HS6ST2: variants seen among roughly 807,000 people sequenced by gnomAD.
The protein encoded by HS6ST2 is heparan sulfate 6-O-sulfotransferase 2, also known as heparan-sulfate 6-O-sulfotransferase 2.
In HS6ST2, 17 loss-of-function variants were observed where a neutral mutation model predicts 33.0. The observed-to-expected ratio is 0.52, with a 90% confidence interval of 0.35 to 0.77. The LOEUF is 0.77. Among genes scored for constraint, HS6ST2 ranks in the 30% least tolerant of loss-of-function variants. The pLI, the probability that HS6ST2 is intolerant of heterozygous loss-of-function variation, is 0.01. For synonymous variants in HS6ST2, 248 were observed against 237.1 expected (o/e 1.05, Z -0.42); for missense variants, 519 against 551.7 (o/e 0.94, Z 0.59).
At chrX:132,847,638 T>C (rs5933217) in intron 2 of HS6ST2, among the ~76,000 whole-genome samples, 36,654 of 110,042 alleles carry the variant, frequency 0.33, 4,824 homozygotes, top group African/African-American at 0.44. Flanking sequence ...CTGAACATTG[T>C]TAAGAGGAAT....
chrX:132,893,537 T>C (rs1263925703), intron 2 of HS6ST2, among the ~76,000 whole-genome samples: 1 of 111,849 alleles, frequency 8.9e-6, no homozygotes, highest in Non-Finnish European at 1.9e-5. Context: ...CTCAAATGTA[T>C]GCCTCTGGGC....
intron 2 of HS6ST2, among the ~76,000 whole-genome samples, chrX:132,945,023 G>C (rs2066933214): frequency 8.9e-6 from 1 of 111,839 alleles, no homozygotes; most frequent in South Asian, 3.8e-4. Context: ...TTAAACTCAA[G>C]AGCGTCTGCA....
intron 3 of HS6ST2, among the ~76,000 whole-genome samples, chrX:132,689,651 A>C (rs893209426): frequency 1.8e-5 from 2 of 112,479 alleles, no homozygotes; most frequent in African/African-American, 6.5e-5. Context: ...GATTCTAAGT[A>C]CAAGTCATTG....
intron 2 of HS6ST2, among the ~76,000 whole-genome samples, chrX:132,847,549 A>C (rs1179423599): frequency 1.8e-5 from 2 of 111,720 alleles, no homozygotes; most frequent in Admixed American, 9.5e-5. Context: ...CACCAAAAGA[A>C]CTAACAGAAT....
chrX:132,898,701 A>G (rs1018341568), intron 2 of HS6ST2, among the ~76,000 whole-genome samples: 1 of 110,665 alleles, frequency 9.0e-6, no homozygotes, highest in Non-Finnish European at 1.9e-5. Context: ...GATGCAGTGC[A>G]AACAGCCCAG....
intron 2 of HS6ST2, among the ~76,000 whole-genome samples, chrX:132,953,880 T>A: frequency 8.9e-6 from 1 of 112,311 alleles, no homozygotes; most frequent in East Asian, 2.8e-4. Flanking sequence ...ATTCACTTTG[T>A]GGGAATGACT....
chrX:132,856,708 G>A (rs1430374456), intron 2 of HS6ST2, among the ~76,000 whole-genome samples: 1 of 111,214 alleles, frequency 9.0e-6, no homozygotes, highest in African/African-American at 3.3e-5. Context: ...AAAGAAAGAT[G>A]TAAAAACAAT....
chrX:132,958,165 T>A lies in HS6ST2; in HGVS notation c.428+10A>T. 1 of 1,125,582 alleles carries A rather than the reference T, an allele frequency of 8.9e-7. No homozygotes were observed. Among genetic ancestry groups the A allele is most frequent in the Non-Finnish European group, 1.2e-6 (1 of 858,720 alleles). 92.8% of individuals were successfully genotyped at this position (1,125,582 alleles called of 1,213,427 possible). On this transcript the variant is annotated intron_variant, in intron 1 of 4. Coordinates refer to ENST00000370833, the MANE Select transcript of HS6ST2 (RefSeq NM_001394073.1). ...TGGGAGCGCGAACCCCGCTTTCACC[T>A]AGAACGTACCTGGCCATGGGGCCGA...
At chrX:132,932,233 A>G (rs747795085) in intron 2 of HS6ST2, among the ~76,000 whole-genome samples, 4 of 110,326 alleles carry the variant, frequency 3.6e-5, no homozygotes, top group South Asian at 7.9e-4. Context: ...ATCTGATCAG[A>G]CTGTGGAGCA....
chrX:132,856,557 T>C (rs913138499), intron 2 of HS6ST2, among the ~76,000 whole-genome samples: 4 of 111,735 alleles, frequency 3.6e-5, no homozygotes, highest in Non-Finnish European at 5.6e-5. Flanking sequence ...CTTAAAGTCA[T>C]TCCATTTTTT....
intron 4 of HS6ST2, among the ~76,000 whole-genome samples, chrX:132,632,081 A>G (rs955394953): frequency 9.0e-5 from 10 of 110,927 alleles, no homozygotes; most frequent in African/African-American, 2.9e-4. Context: ...AGGCAGCCTC[A>G]GTGTCTACAC....
chrX:132,947,934 C>G (rs1449114599), intron 2 of HS6ST2, among the ~76,000 whole-genome samples: 9 of 111,822 alleles, frequency 8.0e-5, no homozygotes. Flanking sequence ...GAAGCTAATA[C>G]TATACTGAAG....
intron 3 of HS6ST2, among the ~76,000 whole-genome samples, chrX:132,687,783 CT>C (rs1466186125): frequency 9.1e-6 from 1 of 110,282 alleles, no homozygotes; most frequent in Non-Finnish European, 1.9e-5. Flanking sequence ...AAGTCTTGCT[CT>C]TGTCCCCCAG....
chrX:132,765,978 C>T (rs1354441121), intron 2 of HS6ST2, among the ~76,000 whole-genome samples: 1 of 111,800 alleles, frequency 8.9e-6, no homozygotes, highest in Non-Finnish European at 1.9e-5. Flanking sequence ...CAAAGCCAAG[C>T]AGTTTTCTAA....
chrX:132,841,968 G>T (rs1222958044), intron 2 of HS6ST2, among the ~76,000 whole-genome samples: 1 of 111,940 alleles, frequency 8.9e-6, no homozygotes, highest in African/African-American at 3.2e-5. Flanking sequence ...GATTGAAGAT[G>T]AAAGACGTTG....
At chrX:132,705,191 G>A (rs1039260250) in intron 3 of HS6ST2, among the ~76,000 whole-genome samples, 108 of 45,609 alleles carry the variant, frequency 2.4e-3, no homozygotes, top group Admixed American at 7.3e-3. Context: ...GGGCACGCGT[G>A]TGTGTGTGTG....
intron 2 of HS6ST2, among the ~76,000 whole-genome samples, chrX:132,850,915 A>G (rs1275354089): frequency 8.9e-6 from 1 of 111,811 alleles, no homozygotes; most frequent in African/African-American, 3.2e-5. Context: ...CCTTTCTTTA[A>G]CAATCCTGTG....
chrX:132,956,778 G>C (rs1471447994), intron 2 of HS6ST2, 30 bp downstream of exon 2: 1 of 1,138,561 alleles, frequency 8.8e-7, no homozygotes, highest in Non-Finnish European at 1.2e-6. Flanking sequence ...CCTAGGCCCG[G>C]GTCCCGCTCG....
At chrX:132,865,246 C>T (rs901215562) in intron 2 of HS6ST2, among the ~76,000 whole-genome samples, 15 of 108,030 alleles carry the variant, frequency 1.4e-4, no homozygotes, top group East Asian at 3.0e-4. Flanking sequence ...TCTGTTTTTG[C>T]GGTAGTTTAC....
Sources: gnomAD v4.1 joint callset for allele counts (sites outside exome capture counted in the v4.1 genomes callset) on GRCh38, gnomAD v4.1.1 for gene constraint, MANE v1.5 for transcripts, NCBI Gene and HGNC (gene_info 2026-07-23, HGNC 2026-07-21) for gene names.